ST18: variants seen among roughly 807,000 people sequenced by gnomAD.
ST18 encodes suppression of tumorigenicity 18 protein.
A neutral mutation model predicts 110.0 loss-of-function variants in ST18; 50 were observed. That is an observed-to-expected ratio of 0.45 (90% CI 0.36 to 0.58). The LOEUF (loss-of-function observed/expected upper bound fraction) is 0.58. ST18 is among the 20% of genes least tolerant of loss of function. The probability of loss-of-function intolerance (pLI) is 0.00; values close to 1 mark genes in which losing one functional copy is unlikely to be tolerated. For synonymous variants in ST18, 461 were observed against 452.4 expected, an observed-to-expected ratio of 1.02 and a Z score of -0.24; for missense variants, 1,306 against 1,280.1, an observed-to-expected ratio of 1.02 and a Z score of -0.31.
chr8:52,388,892 C>G (rs1325121011), intron 2 of ST18, among the ~76,000 whole-genome samples: 4 of 149,618 alleles, frequency 2.7e-5, no homozygotes, highest in East Asian at 3.9e-4. Flanking sequence ...GTGCAGCACA[C>G]CAGCATGGCA....
intron 2 of ST18, among the ~76,000 whole-genome samples, chr8:52,326,427 T>C (rs1489157810): frequency 6.6e-6 from 1 of 152,100 alleles, no homozygotes; most frequent in Non-Finnish European, 1.5e-5. Flanking sequence ...TATGTGAAGG[T>C]TTACATGATT....
intron 25 of ST18, among the ~76,000 whole-genome samples, chr8:52,115,373 T>C (rs974692426): frequency 1.3e-5 from 2 of 152,214 alleles, no homozygotes; most frequent in Non-Finnish European, 2.9e-5. Context: ...AAGTTAATTT[T>C]CTATGAATTC....
At chr8:52,324,301 T>TGATG (rs201977608) in intron 2 of ST18, among the ~76,000 whole-genome samples, 9,473 of 150,916 alleles carry the variant, frequency 0.063, 366 homozygotes, top group East Asian at 0.16. Flanking sequence ...GGTTGATAGA[T>TGATG]GATGGATGGA....
intron 15 of ST18, among the ~76,000 whole-genome samples, chr8:52,158,101 A>G (rs1015315747): frequency 3.9e-5 from 6 of 152,230 alleles, no homozygotes; most frequent in East Asian, 1.9e-4. Context: ...AGCCACTTTT[A>G]CAAGCTCTGT....
chr8:52,140,362 T>G lies in ST18; in HGVS notation c.2168+2568A>C, dbSNP rs528229341. Among the ~76,000 whole-genome samples, 5 of 152,220 alleles carry G rather than the reference T, an allele frequency of 3.3e-5. No homozygotes were observed. In the East Asian group the frequency reaches 7.7e-4, roughly 24 times the overall value. ...CTGGCCAACATGGCGAAACCCTGTC[T>G]CTACTAAAAATACAAAAATTAGCCG... On this transcript the variant is annotated intron_variant, in intron 17 of 25. Transcript: ENST00000689386.
At chr8:52,333,259 C>G (rs1810441080) in intron 2 of ST18, among the ~76,000 whole-genome samples, 1 of 150,434 alleles carries the variant, frequency 6.6e-6, no homozygotes, top group East Asian at 2.0e-4. Context: ...TCTTCTATAA[C>G]TAATCATTCT....
intron 2 of ST18, among the ~76,000 whole-genome samples, chr8:52,396,524 T>C (rs890118128): frequency 3.3e-5 from 5 of 152,088 alleles, no homozygotes; most frequent in African/African-American, 9.7e-5. Context: ...CAAGACTGGA[T>C]AATTTATAAA....
intron 2 of ST18, among the ~76,000 whole-genome samples, chr8:52,300,487 C>T (rs1589727337): frequency 6.6e-6 from 1 of 152,108 alleles, no homozygotes; most frequent in African/African-American, 2.4e-5. Context: ...TCTGTGTTTT[C>T]GTTTTTGCTT....
intron 2 of ST18, among the ~76,000 whole-genome samples, chr8:52,270,052 C>T (rs1157348251): frequency 1.3e-5 from 2 of 151,998 alleles, no homozygotes; most frequent in African/African-American, 4.8e-5. Flanking sequence ...TTTCCCATCC[C>T]CGACACATGT....
rs531926440 is a variant in ST18 at position 52,220,062 on chromosome 8, T to G, written c.-157+679A>C. ...GCCTCAGAGTCACAGCTTTGTGACA[T>G]TAGGGGGCAATCTCCAGCTTTACGT... On this transcript the variant is annotated intron_variant, in intron 5 of 25. Transcript: ENST00000689386. Among the ~76,000 whole-genome samples, 5 of 152,284 alleles carry G rather than the reference T, an allele frequency of 3.3e-5. No individual in the cohort carries two copies. In the South Asian group the frequency reaches 1.0e-3, roughly 32 times the overall value.
intron 2 of ST18, among the ~76,000 whole-genome samples, chr8:52,249,573 C>T (rs2094130501): frequency 6.6e-6 from 1 of 151,992 alleles, no homozygotes; most frequent in Non-Finnish European, 1.5e-5. Context: ...GTACAATGGG[C>T]TGATGCATTT....
At chr8:52,256,257 T>C (rs1286913574) in intron 2 of ST18, among the ~76,000 whole-genome samples, 1 of 152,260 alleles carries the variant, frequency 6.6e-6, no homozygotes, top group Non-Finnish European at 1.5e-5. Flanking sequence ...TGCAATACAT[T>C]TGGCATTGTG....
At chr8:52,300,004 C>T (rs1377807512) in intron 2 of ST18, among the ~76,000 whole-genome samples, 3 of 152,206 alleles carry the variant, frequency 2.0e-5, no homozygotes, top group Non-Finnish European at 2.9e-5. Flanking sequence ...GCAGATAACA[C>T]TCTTAGGGCA....
intron 2 of ST18, among the ~76,000 whole-genome samples, chr8:52,251,756 G>T (rs1314917317): frequency 6.6e-6 from 1 of 151,990 alleles, no homozygotes; most frequent in African/African-American, 2.4e-5. Flanking sequence ...TTCACCAGCT[G>T]CTAGGCAGCA....
chr8:52,331,643 A>G (rs1809456439), intron 2 of ST18, among the ~76,000 whole-genome samples: 1 of 152,252 alleles, frequency 6.6e-6, no homozygotes, highest in Non-Finnish European at 1.5e-5. Context: ...TGAATGAATG[A>G]ATAAGTGAAC....
At chr8:52,217,322 G>T (rs2084703757) in intron 6 of ST18, among the ~76,000 whole-genome samples, 1 of 151,998 alleles carries the variant, frequency 6.6e-6, no homozygotes, top group Non-Finnish European at 1.5e-5. Context: ...TTCTCGATAG[G>T]AGTAAGAACA....
chr8:52,127,966 T>C (rs2047728558), intron 22 of ST18, among the ~76,000 whole-genome samples: 1 of 144,442 alleles, frequency 6.9e-6, no homozygotes, highest in Non-Finnish European at 1.5e-5. Context: ...TATTATGACA[T>C]ATTAAGGGAT....
intron 2 of ST18, among the ~76,000 whole-genome samples, chr8:52,266,326 A>G (rs961415767): frequency 9.2e-5 from 14 of 152,078 alleles, no homozygotes; most frequent in Admixed American, 8.5e-4. Context: ...TGGATATGGG[A>G]CCAGGGAAAA....
Position 52,300,174 on chromosome 8 carries a change from T to C in ST18, c.-464-70097A>G, listed in dbSNP as rs2095696252. ...TACTAAAATGTTTCCATTGAGAGGG[T>C]ATGTAAGTTGGTTCTTCCACCATGC... On this transcript the variant is annotated intron_variant, in intron 2 of 25. Coordinates refer to ENST00000689386, the MANE Select transcript of ST18 (RefSeq NM_001352837.2). Among the ~76,000 whole-genome samples, 2 of 152,170 alleles carry C rather than the reference T, an allele frequency of 1.3e-5. 1 individual carries two copies. The highest frequency in any genetic ancestry group is 2.9e-5 in the Non-Finnish European group (2 of 68,028).
Sources: allele counts gnomAD v4.1 joint callset (sites outside exome capture counted in the v4.1 genomes callset), GRCh38; gene constraint gnomAD v4.1.1; transcripts MANE v1.5; gene names NCBI Gene and HGNC (gene_info 2026-07-23, HGNC 2026-07-21).